SEMA3D: variants seen among roughly 807,000 people sequenced by gnomAD.
SEMA3D encodes the protein semaphorin 3D, also known as semaphorin-3D.
A neutral mutation model predicts 100.1 loss-of-function variants in SEMA3D; 84 were observed. The ratio of observed to expected loss-of-function variants is 0.84; its 90% CI spans 0.70 to 1.01. SEMA3D has a LOEUF of 1.01. Ranked by LOEUF, SEMA3D falls within the 50% of genes least tolerant of loss-of-function variation. The pLI is 0.00. For synonymous variants in SEMA3D, 312 were observed against 320.7 expected, an observed-to-expected ratio of 0.97 and a Z score of 0.29; for missense variants, 875 against 934.1, an observed-to-expected ratio of 0.94 and a Z score of 0.82.
At chr7:85,034,039 G>T (rs1401703381) in intron 12 of SEMA3D, among the ~76,000 whole-genome samples, 1 of 152,034 alleles carries the variant, frequency 6.6e-6, no homozygotes, top group Non-Finnish European at 1.5e-5. Flanking sequence ...TGGAGTTTGG[G>T]GTTGAAACCC....
chr7:85,133,461 G>GC (rs1483236115), intron 2 of SEMA3D, among the ~76,000 whole-genome samples: 1 of 151,942 alleles, frequency 6.6e-6, no homozygotes, highest in Non-Finnish European at 1.5e-5. Context: ...GATCTCAGAA[G>GC]TTGACTTGAA....
chr7:85,144,386 T>G (rs1318009696), intron 2 of SEMA3D: 11 of 800,268 alleles, frequency 1.4e-5, no homozygotes, highest in African/African-American at 3.7e-5. Flanking sequence ...AACATAAAAG[T>G]TGAATTTAAA....
intron 3 of SEMA3D, among the ~76,000 whole-genome samples, chr7:85,108,966 C>T (rs757962091): frequency 9.3e-5 from 14 of 151,240 alleles, no homozygotes; most frequent in Admixed American, 5.3e-4. Flanking sequence ...AAGATGAGGA[C>T]GCATTGTAGA....
At chr7:85,241,467 G>GTGTGTATATATA in the SEMA3D span, among the ~76,000 whole-genome samples, 21 of 91,958 alleles carry the variant, frequency 2.3e-4, 1 homozygote, top group African/African-American at 8.3e-4. Context: ...CTGTGTGTGT[G>GTGTGTATATATA]TATATATATA....
At chr7:85,071,211 T>G (rs1439541250) in intron 6 of SEMA3D, among the ~76,000 whole-genome samples, 2 of 152,190 alleles carry the variant, frequency 1.3e-5, no homozygotes, top group African/African-American at 4.8e-5. Flanking sequence ...GCTAATGTTA[T>G]ATATTACCCT....
At chr7:85,037,680 G>A (rs1342039039) in intron 11 of SEMA3D, among the ~76,000 whole-genome samples, 8 of 151,910 alleles carry the variant, frequency 5.3e-5, no homozygotes, top group South Asian at 4.1e-4. Context: ...ATGTATTACA[G>A]TAGCTCATCT....
Position 84,997,755 on chromosome 7 carries a change from G to A in SEMA3D, c.*1685C>T, listed in dbSNP as rs1386624587. ...GTAGAATGCATGAGAAACGAGCAAT[G>A]TCTGTTATTTTCTGAAAAGCTGCCT... is the stretch of plus-strand genomic sequence containing the variant. On this transcript the variant is annotated 3_prime_UTR_variant, in exon 19 of 19. Transcript: ENST00000284136. 6.6e-6 allele frequency: 1 copy of A among 152,460 alleles called. No individual in the cohort carries two copies. The highest frequency in any genetic ancestry group is 6.6e-5 in the Admixed American group (1 of 15,262). The allele number at this position is 152,460 out of a possible 1,614,324, so 9.4% of individuals were successfully genotyped here.
the SEMA3D span, among the ~76,000 whole-genome samples, chr7:85,197,817 T>C: frequency 1.2e-4 from 19 of 152,174 alleles, no homozygotes; most frequent in Non-Finnish European, 1.6e-4. Context: ...TGGACAATAA[T>C]GTTCATGGCA....
intron 8 of SEMA3D, among the ~76,000 whole-genome samples, chr7:85,063,833 T>C (rs1156930420): frequency 6.6e-6 from 1 of 152,194 alleles, no homozygotes; most frequent in Admixed American, 6.5e-5. Flanking sequence ...TAGCCTTGTC[T>C]CCTACTCCCG....
At chr7:85,109,330 T>G (rs745978825) in intron 3 of SEMA3D, among the ~76,000 whole-genome samples, 28 of 151,910 alleles carry the variant, frequency 1.8e-4, no homozygotes, top group Non-Finnish European at 4.0e-4. Context: ...CCATCACCCA[T>G]TACAGCTATA....
chr7:85,234,413 G>A, the SEMA3D span, among the ~76,000 whole-genome samples: 4,760 of 152,206 alleles, frequency 0.031, 272 homozygotes, highest in African/African-American at 0.11. Flanking sequence ...TTTTTTCCTC[G>A]GGCCAGACTG....
At chr7:85,236,807 A>C in the SEMA3D span, among the ~76,000 whole-genome samples, 1 of 152,202 alleles carries the variant, frequency 6.6e-6, no homozygotes, top group Non-Finnish European at 1.5e-5. Flanking sequence ...ATTAAGCCAG[A>C]TAATGTATCA....
At chr7:85,071,029 C>T (rs967504219) in intron 6 of SEMA3D, among the ~76,000 whole-genome samples, 1 of 152,076 alleles carries the variant, frequency 6.6e-6, no homozygotes, top group Non-Finnish European at 1.5e-5. Flanking sequence ...ATCTGCCCAC[C>T]TCAGCCTCCC....
chr7:85,014,060 A>C (rs979163396), intron 16 of SEMA3D, among the ~76,000 whole-genome samples: 3 of 151,800 alleles, frequency 2.0e-5, no homozygotes, highest in African/African-American at 7.2e-5. Flanking sequence ...GATTTCAGGG[A>C]ATATAAAATG....
chr7:85,162,664 T>C (rs1231180226), intron 1 of SEMA3D, among the ~76,000 whole-genome samples: 1 of 151,870 alleles, frequency 6.6e-6, no homozygotes, highest in Non-Finnish European at 1.5e-5. Flanking sequence ...AAGAACAATA[T>C]GGGAAACGTG....
chr7:85,080,435 C>T (rs1395694284), intron 5 of SEMA3D, among the ~76,000 whole-genome samples: 1 of 152,098 alleles, frequency 6.6e-6, no homozygotes, highest in Non-Finnish European at 1.5e-5. Context: ...ATTCTTTAAT[C>T]TATTCATCCT....
chr7:85,075,234 A>T (rs1791889463), intron 5 of SEMA3D, among the ~76,000 whole-genome samples: 2 of 152,128 alleles, frequency 1.3e-5, no homozygotes, highest in Non-Finnish European at 2.9e-5. Context: ...AAGCTCAGTT[A>T]GAATTTAGAA....
At chr7:85,231,436 CTTTTTTTTTTTTTTTT>C in the SEMA3D span, among the ~76,000 whole-genome samples, 101 of 117,870 alleles carry the variant, frequency 8.6e-4, no homozygotes, top group African/African-American at 3.1e-3. Context: ...CAATCTTTCC[CTTTTTTTTTTTTTTTT>C]TTTTTTTTTT....
chr7:85,237,741 T>C, the SEMA3D span, among the ~76,000 whole-genome samples: 1 of 152,214 alleles, frequency 6.6e-6, no homozygotes, highest in African/African-American at 2.4e-5. Flanking sequence ...GCTCCAATAA[T>C]AAACATCCAT....
Sources: allele counts gnomAD v4.1 joint callset (sites outside exome capture counted in the v4.1 genomes callset), GRCh38; gene constraint gnomAD v4.1.1; transcripts MANE v1.5; gene names NCBI Gene and HGNC (gene_info 2026-07-23, HGNC 2026-07-21).